UPRT: variants seen among roughly 807,000 people sequenced by gnomAD.
UPRT encodes the protein uracil phosphoribosyltransferase homolog, also known as RP11-311P8.3.
Under a neutral mutation model 22.6 loss-of-function variants are expected in UPRT, and 5 were observed. The ratio of observed to expected loss-of-function variants is 0.22; its 90% CI spans 0.12 to 0.47. The LOEUF (loss-of-function observed/expected upper bound fraction) is 0.47. UPRT is among the 20% of genes least tolerant of loss of function. UPRT has a pLI of 0.99. For missense variants in UPRT, 181 were observed against 239.9 expected, an observed-to-expected ratio of 0.75 and a Z score of 1.62; for synonymous variants, 77 against 87.7, an observed-to-expected ratio of 0.88 and a Z score of 0.68.
chrX:75,166,281 A>G (rs2082213063), intron 3 of UPRT, among the ~76,000 whole-genome samples: 1 of 111,840 alleles, frequency 8.9e-6, no homozygotes, highest in African/African-American at 3.3e-5. Flanking sequence ...TCTCCTCCCT[A>G]TTTACCAATT....
chrX:75,178,697 C>T (rs1178393630), intron 4 of UPRT, among the ~76,000 whole-genome samples: 1 of 110,152 alleles, frequency 9.1e-6, no homozygotes, highest in Admixed American at 9.6e-5. Context: ...GTTTGTTCCT[C>T]CCGGTGGGCT....
intron 1 of UPRT, among the ~76,000 whole-genome samples, chrX:75,282,558 TA>T (rs2082662652): frequency 8.9e-6 from 1 of 111,844 alleles, no homozygotes; most frequent in Non-Finnish European, 1.9e-5. Context: ...ACAGGTTATT[TA>T]ATTTCATGTA....
chrX:75,202,033 T>C (rs2082348492), intron 4 of UPRT, among the ~76,000 whole-genome samples: 1 of 111,811 alleles, frequency 8.9e-6, no homozygotes, highest in South Asian at 3.8e-4. Context: ...ATGAAAATTA[T>C]AGGTTAGGCA....
chrX:75,188,321 C>T (rs185029331), intron 4 of UPRT, among the ~76,000 whole-genome samples: 1 of 111,895 alleles, frequency 8.9e-6, no homozygotes, highest in Non-Finnish European at 1.9e-5. Flanking sequence ...GGGTGCCTCC[C>T]AGTTAGACTG....
At chrX:75,237,613 C>T (rs200761336) in intron 4 of UPRT, among the ~76,000 whole-genome samples, 14 of 95,708 alleles carry the variant, frequency 1.5e-4, no homozygotes, top group Admixed American at 5.7e-4. Context: ...GAATACTATG[C>T]AGCCATAAAA....
chrX:75,203,002 G>C (rs2082351353), intron 4 of UPRT, among the ~76,000 whole-genome samples: 1 of 111,432 alleles, frequency 9.0e-6, no homozygotes, highest in Non-Finnish European at 1.9e-5. Context: ...ACTCAGACTG[G>C]CAAACTGGAT....
At chrX:75,244,248 A>G (rs2082496937) in intron 4 of UPRT, among the ~76,000 whole-genome samples, 1 of 111,490 alleles carries the variant, frequency 9.0e-6, no homozygotes, top group Non-Finnish European at 1.9e-5. Flanking sequence ...TATTCCTTTT[A>G]CCTGTTACTC....
chrX:75,205,371 G>T (rs1480759914), intron 4 of UPRT, among the ~76,000 whole-genome samples: 31 of 79,767 alleles, frequency 3.9e-4, no homozygotes, highest in Non-Finnish European at 4.5e-4. Context: ...GCGACAGAGC[G>T]AGACTCCGTC....
chrX:75,173,376 C>T (rs1490588239), intron 4 of UPRT, among the ~76,000 whole-genome samples: 1 of 109,190 alleles, frequency 9.2e-6, no homozygotes, highest in Non-Finnish European at 1.9e-5. Flanking sequence ...CATAAAGGTT[C>T]TCCAAGGCCC....
intron 4 of UPRT, among the ~76,000 whole-genome samples, chrX:75,247,646 T>C (rs2082511636): frequency 8.9e-6 from 1 of 112,737 alleles, no homozygotes; most frequent in Admixed American, 9.4e-5. Context: ...GCTCCACCTC[T>C]GGGGGCAGGG....
At chrX:75,299,614 ATAAT>A in intron 4 of UPRT, 117 bp from the exon 5 acceptor site, 1 of 777,021 alleles carries the variant, frequency 1.3e-6, no homozygotes, top group Non-Finnish European at 1.7e-6. Flanking sequence ...CAGCTTCAAA[ATAAT>A]TATTTTCATC....
rs763295138 is a variant in UPRT at position 75,170,638 on chromosome X, CTTG to C, written c.-447+2762_-447+2764del. Among the ~76,000 whole-genome samples, 3 of 111,256 alleles carry C rather than the reference CTTG, an allele frequency of 2.7e-5. No homozygotes were observed. The South Asian group carries it at 1.1e-3, about 42-fold the overall frequency. ...ATTATGCTAGTTGTTACCTGAATAC[CTTG>C]TTTTTTTTATTGTGTTATTGTTTTA... On this transcript the variant is annotated intron_variant, in intron 4 of 13. Transcript: ENST00000652605.
chrX:75,297,438 T>C (rs370265771), intron 3 of UPRT, 53 bp from the exon 4 acceptor site: 2 of 1,145,568 alleles, frequency 1.7e-6, no homozygotes, highest in Admixed American at 2.2e-5. Flanking sequence ...TTATAAAATA[T>C]GTAGGTTACT....
intron 4 of UPRT, among the ~76,000 whole-genome samples, chrX:75,245,981 T>C (rs1337297731): frequency 8.9e-6 from 1 of 111,987 alleles, no homozygotes; most frequent in South Asian, 3.7e-4. Context: ...AAACTTAATA[T>C]ATAAAAACGA....
intron 4 of UPRT, among the ~76,000 whole-genome samples, chrX:75,219,774 G>C (rs1012563858): frequency 9.0e-6 from 1 of 111,321 alleles, no homozygotes; most frequent in Non-Finnish European, 1.9e-5. Flanking sequence ...ATAATAGCTG[G>C]AGAATTCAAC....
intron 4 of UPRT, among the ~76,000 whole-genome samples, chrX:75,171,260 T>C (rs2082226548): frequency 9.0e-6 from 1 of 111,628 alleles, no homozygotes; most frequent in African/African-American, 3.2e-5. Flanking sequence ...GGAGGCTTTG[T>C]TCATTTTTTA....
chrX:75,246,341 G>A (rs1329274691), intron 4 of UPRT, among the ~76,000 whole-genome samples: 1 of 102,002 alleles, frequency 9.8e-6, no homozygotes, highest in Admixed American at 1.1e-4. Flanking sequence ...ACCTATGAGA[G>A]AGAACATGCA....
chrX:75,303,256 A>C, intron 6 of UPRT, 149 bp from the exon 7 acceptor site: 1 of 444,567 alleles, frequency 2.2e-6, no homozygotes, highest in Non-Finnish European at 3.9e-6. Flanking sequence ...ATACAAAGGA[A>C]GAGATTAACC....
intron 4 of UPRT, among the ~76,000 whole-genome samples, chrX:75,254,445 G>T (rs1303484425): frequency 8.9e-6 from 1 of 112,275 alleles, no homozygotes; most frequent in Non-Finnish European, 1.9e-5. Flanking sequence ...AGAGCTCGAA[G>T]ATAATGTCTT....
Sources: allele counts gnomAD v4.1 joint callset (sites outside exome capture counted in the v4.1 genomes callset), GRCh38; gene constraint gnomAD v4.1.1; transcripts MANE v1.5; gene names NCBI Gene and HGNC (gene_info 2026-07-23, HGNC 2026-07-21).